The following PTPRD variants were observed in gnomAD, a reference collection of about 807,000 sequenced individuals.
PTPRD encodes the protein receptor-type tyrosine-protein phosphatase delta.
Under a neutral mutation model 214.5 loss-of-function variants are expected in PTPRD, and 34 were observed. The ratio of observed to expected loss-of-function variants is 0.16; its 90% CI spans 0.12 to 0.21. PTPRD has a LOEUF of 0.21. Among genes scored for constraint, PTPRD ranks in the 10% least tolerant of loss-of-function variants. PTPRD has a pLI of 1.00. For synonymous variants in PTPRD, 1,128 were observed against 845.7 expected (o/e 1.33, Z -5.79); for missense variants, 2,545 against 2,398.7 (o/e 1.06, Z -1.27).
intron 5 of PTPRD, among the ~76,000 whole-genome samples, chr9:9,771,014 C>A (rs1242001780): frequency 6.6e-6 from 1 of 152,112 alleles, no homozygotes; most frequent in Non-Finnish European, 1.5e-5. Context: ...GGTATTCTTA[C>A]AAAAGCAGAT....
intron 2 of PTPRD, among the ~76,000 whole-genome samples, chr9:10,443,187 A>C (rs1277591870): frequency 6.6e-6 from 1 of 151,576 alleles, no homozygotes; most frequent in Admixed American, 6.6e-5. Context: ...AGTTCACTAT[A>C]AAATGTTCAC....
intron 11 of PTPRD, among the ~76,000 whole-genome samples, chr9:8,767,213 G>GT (rs1218206640): frequency 6.6e-6 from 1 of 152,012 alleles, no homozygotes; most frequent in African/African-American, 2.4e-5. Context: ...CGCCTCCCAG[G>GT]TTTGAGTGAT....
chr9:10,540,990 C>G (rs974127481), intron 2 of PTPRD, among the ~76,000 whole-genome samples: 3 of 152,106 alleles, frequency 2.0e-5, no homozygotes, highest in African/African-American at 7.2e-5. Context: ...ATTACTCACT[C>G]AAGTTCATGC....
At chr9:10,302,548 C>A (rs893064388) in intron 3 of PTPRD, among the ~76,000 whole-genome samples, 46 of 152,066 alleles carry the variant, frequency 3.0e-4, no homozygotes, top group African/African-American at 1.1e-3. Context: ...CACATATGCT[C>A]AAAATAGAGG....
chr9:10,140,119 C>A lies in PTPRD; in HGVS notation c.-544-106329G>T, dbSNP rs143013619. On this transcript the variant is annotated intron_variant, in intron 3 of 45. Coordinates refer to ENST00000381196, the MANE Select transcript of PTPRD (RefSeq NM_002839.4). ...GAAGCTCTGACAATCTGTGCTCAGA[C>A]AATCTGTGAAGACAAACCATCTGCA... Among the ~76,000 whole-genome samples the A allele has an allele frequency of 5.3e-3, 809 of 152,048 alleles. 6 individuals are homozygous for A. The highest frequency in any genetic ancestry group is 0.013 in the African/African-American group (524 of 41,502).
intron 10 of PTPRD, among the ~76,000 whole-genome samples, chr9:9,165,493 C>A (rs1379914648): frequency 6.6e-6 from 1 of 152,120 alleles, no homozygotes; most frequent in African/African-American, 2.4e-5. Context: ...TGCAAGAAGT[C>A]AGAAATGGCT....
intron 2 of PTPRD, among the ~76,000 whole-genome samples, chr9:10,403,302 T>C (rs2098306570): frequency 7.0e-6 from 1 of 143,148 alleles, no homozygotes. Flanking sequence ...TCAGTCTTGA[T>C]ATTTTAAAAA....
chr9:9,846,093 A>G (rs2059474747), intron 5 of PTPRD, among the ~76,000 whole-genome samples: 1 of 152,154 alleles, frequency 6.6e-6, no homozygotes, highest in Non-Finnish European at 1.5e-5. Flanking sequence ...TCTATTTTTA[A>G]TATTAGCTAT....
intron 2 of PTPRD, among the ~76,000 whole-genome samples, chr9:10,361,958 T>C (rs1012724059): frequency 6.6e-6 from 1 of 152,174 alleles, no homozygotes; most frequent in Non-Finnish European, 1.5e-5. Context: ...TCTCTGATTA[T>C]GCAAAAATGA....
intron 27 of PTPRD, among the ~76,000 whole-genome samples, chr9:8,490,279 T>C (rs566021335): frequency 3.9e-4 from 59 of 152,354 alleles, no homozygotes; most frequent in African/African-American, 1.4e-3. Context: ...TTACATTTTC[T>C]TATTCTCTTA....
At chr9:9,705,826 C>G (rs889214092) in intron 7 of PTPRD, among the ~76,000 whole-genome samples, 2 of 152,074 alleles carry the variant, frequency 1.3e-5, no homozygotes, top group South Asian at 4.1e-4. Flanking sequence ...TAATTGTAAT[C>G]TATGACATTA....
intron 31 of PTPRD, among the ~76,000 whole-genome samples, chr9:8,469,879 G>A (rs35721506): frequency 0.042 from 6,358 of 152,060 alleles, 203 homozygotes; most frequent in South Asian, 0.089. Context: ...GATGACACAC[G>A]TCTGCCAAAG....
At chr9:9,924,715 A>AT (rs1233675899) in intron 5 of PTPRD, among the ~76,000 whole-genome samples, 1 of 152,100 alleles carries the variant, frequency 6.6e-6, no homozygotes, top group African/African-American at 2.4e-5. Flanking sequence ...AGATGTTCTT[A>AT]TTGTCCTTCG....
chr9:9,693,604 C>A (rs1366311510), intron 7 of PTPRD, among the ~76,000 whole-genome samples: 2 of 152,106 alleles, frequency 1.3e-5, no homozygotes, highest in Admixed American at 6.6e-5. Flanking sequence ...GTTCTATAAT[C>A]TTCTTGTACA....
At chr9:8,805,541 T>A (rs1035932191) in intron 11 of PTPRD, among the ~76,000 whole-genome samples, 3 of 151,726 alleles carry the variant, frequency 2.0e-5, no homozygotes, top group Non-Finnish European at 4.4e-5. Flanking sequence ...ATAGACAGAA[T>A]AGGAAAATCT....
chr9:10,349,648 T>C (rs2097149151), intron 2 of PTPRD, among the ~76,000 whole-genome samples: 1 of 152,136 alleles, frequency 6.6e-6, no homozygotes, highest in African/African-American at 2.4e-5. Flanking sequence ...TATAAAAAGG[T>C]CATTTTCATT....
At chr9:9,734,698 T>G (rs942993769) in intron 6 of PTPRD, 127 bp from the exon 7 acceptor site, 1 of 152,150 alleles carries the variant, frequency 6.6e-6, no homozygotes, top group East Asian at 1.9e-4. Flanking sequence ...AATAAACACT[T>G]TAAGACATAA....
chr9:9,544,074 T>C (rs1301980630), intron 8 of PTPRD, among the ~76,000 whole-genome samples: 1 of 151,630 alleles, frequency 6.6e-6, no homozygotes, highest in Non-Finnish European at 1.5e-5. Flanking sequence ...TGCCCATATC[T>C]CTGTGATACA....
At chr9:9,254,063 G>A (rs1316008932) in intron 9 of PTPRD, among the ~76,000 whole-genome samples, 2 of 151,932 alleles carry the variant, frequency 1.3e-5, no homozygotes, top group Admixed American at 6.6e-5. Context: ...TTGGATTTAG[G>A]CCCCACCTGG....
Sources: gnomAD v4.1 joint callset for allele counts (sites outside exome capture counted in the v4.1 genomes callset) on GRCh38, gnomAD v4.1.1 for gene constraint, MANE v1.5 for transcripts, NCBI Gene and HGNC (gene_info 2026-07-23, HGNC 2026-07-21) for gene names.